The following ABCA13 variants were observed in gnomAD, a reference collection of about 807,000 sequenced individuals.
ABCA13 encodes ATP-binding cassette sub-family A member 13.
A neutral mutation model predicts 478.7 loss-of-function variants in ABCA13; 476 were observed. That is an observed-to-expected ratio of 0.99 (90% CI 0.92 to 1.07). The LOEUF (loss-of-function observed/expected upper bound fraction) is 1.07. Ranked by LOEUF, ABCA13 falls within the 50% of genes least tolerant of loss-of-function variation. The pLI, the probability that ABCA13 is intolerant of heterozygous loss-of-function variation, is 0.00. For synonymous variants in ABCA13, 2,252 were observed against 2,158.9 expected (o/e 1.04, Z -1.20); for missense variants, 6,060 against 5,910.6 (o/e 1.03, Z -0.83).
At chr7:48,420,865 G>A (rs1220531220) in intron 41 of ABCA13, among the ~76,000 whole-genome samples, 1 of 151,908 alleles carries the variant, frequency 6.6e-6, no homozygotes, top group African/African-American at 2.4e-5. Flanking sequence ...AGGATCACGA[G>A]CTGCACTCAG....
chr7:48,193,088 CCTTTGG>C, intron 2 of ABCA13, 36 bp downstream of exon 2: 1 of 1,441,356 alleles, frequency 6.9e-7, no homozygotes, highest in Non-Finnish European at 9.3e-7. Flanking sequence ...TTTGAATTAA[CCTTTGG>C]AGAAAAAAAA....
At chr7:48,515,538 C>T (rs938332070) in intron 51 of ABCA13, among the ~76,000 whole-genome samples, 1 of 152,174 alleles carries the variant, frequency 6.6e-6, no homozygotes, top group Non-Finnish European at 1.5e-5. Flanking sequence ...TTTAGCAATG[C>T]TTCTTACTCC....
chr7:48,442,763 G>A (rs1823799171), intron 42 of ABCA13, among the ~76,000 whole-genome samples: 1 of 152,150 alleles, frequency 6.6e-6, no homozygotes, highest in East Asian at 1.9e-4. Flanking sequence ...CATTTCTAAC[G>A]AGTTCTCAGG....
chr7:48,524,512 T>G, intron 54 of ABCA13, 72 bp downstream of exon 54: 1 of 1,369,298 alleles, frequency 7.3e-7, no homozygotes, highest in Non-Finnish European at 9.9e-7. Context: ...TCTGCTTGTG[T>G]TAGTCTCAGA....
At chr7:48,543,728 A>G (rs1027647157) in intron 55 of ABCA13, among the ~76,000 whole-genome samples, 2 of 151,982 alleles carry the variant, frequency 1.3e-5, no homozygotes, top group African/African-American at 4.8e-5. Flanking sequence ...AGTTGCCATC[A>G]TTAATATAAA....
chr7:48,332,784 G>A (rs979243673), intron 27 of ABCA13, among the ~76,000 whole-genome samples: 11 of 152,070 alleles, frequency 7.2e-5, no homozygotes, highest in Admixed American at 2.0e-4. Flanking sequence ...TGGCTCCCAG[G>A]GTTTCAGATG....
chr7:48,527,046 T>G (rs1047860147), intron 54 of ABCA13, among the ~76,000 whole-genome samples: 1 of 152,172 alleles, frequency 6.6e-6, no homozygotes, highest in Non-Finnish European at 1.5e-5. Context: ...TCTTCAATGC[T>G]GTCAGTCCAG....
intron 1 of ABCA13, among the ~76,000 whole-genome samples, chr7:48,174,595 CATTATTTTA>C (rs2128850417): frequency 6.6e-6 from 1 of 152,038 alleles, no homozygotes; most frequent in Non-Finnish European, 1.5e-5. Flanking sequence ...AGTTTCTTAC[CATTATTTTA>C]ATACCATTTA....
At chr7:48,461,961 A>G (rs961960163) in intron 43 of ABCA13, among the ~76,000 whole-genome samples, 2 of 152,128 alleles carry the variant, frequency 1.3e-5, no homozygotes, top group African/African-American at 4.8e-5. Context: ...CTACAAACAG[A>G]TGGGAAAGTC....
At chr7:48,555,820 G>A (rs901820435) in intron 55 of ABCA13, among the ~76,000 whole-genome samples, 2 of 150,750 alleles carry the variant, frequency 1.3e-5, no homozygotes, top group Non-Finnish European at 3.0e-5. Flanking sequence ...ATTTATTTCT[G>A]TTTTAATCTT....
intron 55 of ABCA13, among the ~76,000 whole-genome samples, chr7:48,530,048 C>T (rs1263665215): frequency 6.6e-6 from 1 of 152,044 alleles, no homozygotes; most frequent in African/African-American, 2.4e-5. Context: ...ATTGTGTAGT[C>T]TTTTATCCCT....
intron 1 of ABCA13, among the ~76,000 whole-genome samples, chr7:48,173,888 G>T (rs866241595): frequency 3.7e-4 from 56 of 152,330 alleles, no homozygotes; most frequent in Middle Eastern, 6.8e-3. Context: ...TGGTAGAAAT[G>T]GGTGGCCTCA....
chr7:48,519,535 A>C (rs905467613), intron 52 of ABCA13, among the ~76,000 whole-genome samples: 1 of 152,250 alleles, frequency 6.6e-6, no homozygotes, highest in Non-Finnish European at 1.5e-5. Context: ...AAGATCTGGA[A>C]CATCTGTCTT....
At chr7:48,439,957 C>T (rs973417267) in intron 42 of ABCA13, among the ~76,000 whole-genome samples, 4 of 152,118 alleles carry the variant, frequency 2.6e-5, no homozygotes, top group Non-Finnish European at 5.9e-5. Flanking sequence ...TAGACTTCTT[C>T]CTACCAAAAC....
chr7:48,455,037 G>T lies in ABCA13; in HGVS notation c.12566G>T (p.Cys4189Phe). Reference sequence around the variant, plus strand: ...GCCCTTCCTCCCGCCCGTCCTGCAGGTGGCTCCCTAGCACGGCCCGCAACT... The same window carrying T: ...GCCCTTCCTCCCGCCCGTCCTGCAGTTGGCTCCCTAGCACGGCCCGCAACT... ...HRPTGHLSGY[C>F]GSLARPATVQ... The change falls in exon 43 of 62, where the codon TGT becomes TTT. Residue 4189 changes from cysteine to phenylalanine, a missense_variant and splice_region_variant. Cys to Phe is a radical substitution (Grantham distance 205). This residue lies in a region of ABCA13 where 1,627 missense variants were observed against 1,571.0 expected (regional missense o/e 1.04). Coordinates refer to ENST00000435803, the MANE Select transcript of ABCA13 (RefSeq NM_152701.5). The T allele has an allele frequency of 2.0e-6, 3 of 1,503,336 alleles. No individual in the cohort carries two copies. Among genetic ancestry groups the T allele is most frequent in the South Asian group, 2.5e-5 (2 of 78,612 alleles). 93.1% of individuals were successfully genotyped at this position (1,503,336 alleles called of 1,614,324 possible).
At chr7:48,314,863 GGGTACAAATGAATATGCCACGATA>G (rs2128892472) in intron 26 of ABCA13, among the ~76,000 whole-genome samples, 2 of 152,228 alleles carry the variant, frequency 1.3e-5, no homozygotes, top group East Asian at 3.9e-4. Context: ...ATGTCACGAT[GGGTACAAATGAATATGCCACGATA>G]GGTACAAATG....
chr7:48,379,887 C>T (rs1477296832), intron 35 of ABCA13, among the ~76,000 whole-genome samples: 1 of 152,142 alleles, frequency 6.6e-6, no homozygotes, highest in African/African-American at 2.4e-5. Context: ...CAGGTAATGA[C>T]AAAACATAAC....
At chr7:48,454,989 A>C (rs1585394988) in intron 42 of ABCA13, 48 bp from the exon 43 acceptor site, 2 of 1,435,078 alleles carry the variant, frequency 1.4e-6, no homozygotes, top group Non-Finnish European at 1.8e-6. Flanking sequence ...AAGCGCTGTC[A>C]CCTCCGCAGA....
intron 59 of ABCA13, among the ~76,000 whole-genome samples, chr7:48,625,719 AG>A (rs546235204): frequency 5.5e-4 from 84 of 152,358 alleles, no homozygotes; most frequent in African/African-American, 1.9e-3. Context: ...TTGGAAATTC[AG>A]GTCATGAACA....
Sources: gnomAD v4.1 joint callset for allele counts (sites outside exome capture counted in the v4.1 genomes callset) on GRCh38, gnomAD v4.1.1 for gene constraint, gnomAD v4.1.1 regional missense constraint, MANE v1.5 for transcripts, NCBI Gene and HGNC (gene_info 2026-07-23, HGNC 2026-07-21) for gene names.